Variants in TTC34 observed in about 807,000 individuals in gnomAD.
The protein encoded by TTC34 is tetratricopeptide repeat domain 34.
In TTC34, 44 loss-of-function variants were observed where a neutral mutation model predicts 40.7. The ratio of observed to expected loss-of-function variants is 1.08; its 90% CI spans 0.85 to 1.39. The LOEUF (loss-of-function observed/expected upper bound fraction) is 1.39. Among genes scored for constraint, TTC34 ranks in the 40% most tolerant of loss-of-function variants. TTC34 has a pLI of 0.00. For missense variants in TTC34, 884 were observed against 838.0 expected (o/e 1.05, Z -0.68); for synonymous variants, 422 against 398.6 (o/e 1.06, Z -0.70).
At position 2,751,776 on chromosome 1, in the gene TTC34, T is replaced by A. The variant is rs1328751412; in HGVS notation, c.2226+31833A>T. Among the ~76,000 whole-genome samples the A allele has an allele frequency of 4.3e-5, 5 of 116,660 alleles. 1 individual carries two copies. The highest frequency in any genetic ancestry group is 6.7e-5 in the Non-Finnish European group (4 of 59,578). 76.5% of individuals were successfully genotyped at this position (116,660 alleles called of 152,430 possible). A position where few individuals can be genotyped will look rare whatever the true frequency, so the allele number is the denominator to read the frequency against. ...TAGAGCAGCACCCCACACCCACAGG[T>A]GAGCATCTGACAGCCTGGAGCAGCA... On this transcript the variant is annotated intron_variant, in intron 6 of 8. Coordinates refer to ENST00000401095, the Ensembl canonical transcript of TTC34.
chr1:2,759,948 A>AGC (rs1641640185), intron 6 of TTC34, among the ~76,000 whole-genome samples: 1 of 144,242 alleles, frequency 6.9e-6, no homozygotes, highest in East Asian at 2.0e-4. Flanking sequence ...GACAGCCTGG[A>AGC]AAGGCACCCA....
At chr1:2,683,354 C>G (rs79461903) in intron 6 of TTC34, among the ~76,000 whole-genome samples, 1 of 69,494 alleles carries the variant, frequency 1.4e-5, no homozygotes, top group African/African-American at 5.6e-5. Context: ...CCCTGCACCC[C>G]CAGGTGAGCA....
intron 6 of TTC34, among the ~76,000 whole-genome samples, chr1:2,684,315 C>T (rs28628627): frequency 6.6e-5 from 9 of 136,758 alleles, no homozygotes; most frequent in Non-Finnish European, 1.3e-4. Context: ...GGCACCCACA[C>T]CCCCAAGTGA....
At chr1:2,685,849 G>A (rs1640312897) in intron 6 of TTC34, among the ~76,000 whole-genome samples, 1 of 149,792 alleles carries the variant, frequency 6.7e-6, no homozygotes, top group Non-Finnish European at 1.5e-5. Context: ...GCCCAGGTGA[G>A]CCTCTGACAG....
chr1:2,637,338 A>G (rs1638814284), exon 9 of TTC34: 1 of 152,186 alleles, frequency 6.6e-6, no homozygotes, highest in Admixed American at 6.5e-5. Flanking sequence ...CTTGGCTTTC[A>G]GGCTTTAAAC....
intron 6 of TTC34, among the ~76,000 whole-genome samples, chr1:2,764,295 C>A: frequency 6.9e-6 from 1 of 144,974 alleles, no homozygotes; most frequent in African/African-American, 2.6e-5. Flanking sequence ...TGGAGCAGCA[C>A]ACACAACCCC....
intron 6 of TTC34, among the ~76,000 whole-genome samples, chr1:2,692,226 C>T (rs1370373416): frequency 2.7e-5 from 2 of 75,164 alleles, no homozygotes; most frequent in African/African-American, 8.6e-5. Context: ...CACCCACATC[C>T]CCAGGCGAGC....
exon 3 of TTC34, chr1:2,789,634 C>A: frequency 7.3e-7 from 1 of 1,370,888 alleles, no homozygotes; most frequent in Non-Finnish European, 9.4e-7. Flanking sequence ...GCAGCCCCCG[C>A]TGGTTCCAGG....
At chr1:2,781,876 G>A (rs1481633894) in intron 6 of TTC34, among the ~76,000 whole-genome samples, 1 of 152,128 alleles carries the variant, frequency 6.6e-6, no homozygotes, top group Admixed American at 6.5e-5. Flanking sequence ...ACTTGGTCAC[G>A]TGTGTCATCA....
chr1:2,683,849 C>T (rs1214921829), intron 6 of TTC34, among the ~76,000 whole-genome samples: 13 of 138,914 alleles, frequency 9.4e-5, no homozygotes, highest in East Asian at 2.4e-4. Context: ...GGTGAACATC[C>T]GACAGCCTGG....
At chr1:2,750,675 A>G (rs1569690467) in intron 6 of TTC34, among the ~76,000 whole-genome samples, 99 of 149,408 alleles carry the variant, frequency 6.6e-4, no homozygotes, top group African/African-American at 1.0e-3. Context: ...AGCCTGGAAC[A>G]GCACCCTGCA....
In TTC34 at chr1:2,760,439, C is replaced by A. The variant is rs1175545977; in HGVS notation, c.2226+23170G>T. 2.6e-3 allele frequency among the ~76,000 whole-genome samples: 147 copies of A among 57,124 alleles called. 48 individuals are homozygous for A. Among genetic ancestry groups the A allele is most frequent in the Non-Finnish European group, 3.3e-3 (119 of 35,720 alleles). The allele number at this position is 57,124 out of a possible 152,430, so 37.5% of individuals were successfully genotyped here. A position where few individuals can be genotyped will look rare whatever the true frequency, so the allele number is the denominator to read the frequency against. On this transcript the variant is annotated intron_variant, in intron 6 of 8. Coordinates refer to ENST00000401095, the Ensembl canonical transcript of TTC34. ...AGCATCTGACAGCCTGGAGCAGCAT[C>A]CACACACCCAGGCGAGAATCTGACA... is the stretch of plus-strand genomic sequence containing the variant.
intron 6 of TTC34, among the ~76,000 whole-genome samples, chr1:2,695,053 A>AGCCTGGAGCAATGC (rs1640797824): frequency 7.0e-6 from 1 of 143,556 alleles, no homozygotes; most frequent in Non-Finnish European, 1.6e-5. Context: ...AGCATCTGAC[A>AGCCTGGAGCAATGC]CACTGAAACA....
intron 8 of TTC34, 34 bp downstream of exon 8, chr1:2,644,230 T>G: frequency 1.3e-6 from 2 of 1,513,608 alleles, no homozygotes; most frequent in Non-Finnish European, 1.8e-6. Flanking sequence ...CTGGGGAAGG[T>G]TGGGGTGGGA....
intron 6 of TTC34, among the ~76,000 whole-genome samples, chr1:2,769,736 G>A (rs1641994395): frequency 6.7e-6 from 1 of 150,162 alleles, no homozygotes; most frequent in African/African-American, 2.5e-5. Flanking sequence ...CTGACAGCCT[G>A]GAGCAGCGCC....
At chr1:2,653,130 C>G (rs1453263114) in intron 6 of TTC34, among the ~76,000 whole-genome samples, 2 of 152,274 alleles carry the variant, frequency 1.3e-5, no homozygotes, top group Admixed American at 6.5e-5. Flanking sequence ...CCCACACCCC[C>G]AGGTGCGCAT....
chr1:2,799,695 G>T (rs1292625201), intron 2 of TTC34, among the ~76,000 whole-genome samples: 1 of 152,136 alleles, frequency 6.6e-6, no homozygotes, highest in African/African-American at 2.4e-5. Context: ...TCCGACAGTC[G>T]CCCTGGCCCC....
At chr1:2,753,136 C>A (rs1236581590) in intron 6 of TTC34, among the ~76,000 whole-genome samples, 1 of 128,798 alleles carries the variant, frequency 7.8e-6, no homozygotes. Context: ...CACCAAAAAC[C>A]CCAGGTGAGC....
chr1:2,676,951 T>A (rs11486040), intron 6 of TTC34, among the ~76,000 whole-genome samples: 201 of 114,532 alleles, frequency 1.8e-3, no homozygotes, highest in Middle Eastern at 5.3e-3. Context: ...TCTGACAGCA[T>A]GGAACAGCAC....
Sources: allele counts gnomAD v4.1 joint callset (sites outside exome capture counted in the v4.1 genomes callset), GRCh38; gene constraint gnomAD v4.1.1; transcripts MANE v1.5; gene names NCBI Gene and HGNC (gene_info 2026-07-23, HGNC 2026-07-21).